Variants in ZFHX3 observed in about 807,000 individuals in gnomAD.
The protein encoded by ZFHX3 is zinc finger homeobox 3, also known as zinc finger homeobox protein 3.
A neutral mutation model predicts 279.1 loss-of-function variants in ZFHX3; 42 were observed. The observed-to-expected ratio is 0.15, with a 90% CI of 0.12 to 0.19. The LOEUF (loss-of-function observed/expected upper bound fraction) is 0.19. Among genes scored for constraint, ZFHX3 ranks in the 10% least tolerant of loss-of-function variants. The pLI is 1.00. For missense variants in ZFHX3, 4,981 were observed against 4,754.0 expected (o/e 1.05, Z -1.40); for synonymous variants, 2,293 against 1,957.8 (o/e 1.17, Z -4.52).
intron 4 of ZFHX3, among the ~76,000 whole-genome samples, chr16:73,265,033 T>TATATATATATATATATAA (rs766121124): frequency 6.7e-6 from 1 of 150,020 alleles, no homozygotes; most frequent in East Asian, 2.0e-4. Context: ...TATATATATA[T>TATATATATATATATATAA]AACACCTCAG....
intron 1 of ZFHX3, among the ~76,000 whole-genome samples, chr16:73,705,130 A>G (rs1451399878): frequency 6.6e-6 from 1 of 152,230 alleles, no homozygotes; most frequent in Non-Finnish European, 1.5e-5. Flanking sequence ...ATGTAGTAAA[A>G]TAATTACAAA....
intron 1 of ZFHX3, among the ~76,000 whole-genome samples, chr16:73,698,185 GA>G (rs954795367): frequency 4.0e-5 from 6 of 150,734 alleles, no homozygotes; most frequent in East Asian, 3.9e-4. Context: ...AACAATTTGA[GA>G]AAAAAAAATT....
chr16:73,423,511 T>C (rs535502432), intron 3 of ZFHX3, among the ~76,000 whole-genome samples: 1 of 152,314 alleles, frequency 6.6e-6, no homozygotes, highest in South Asian at 2.1e-4. Flanking sequence ...TCTGGTCATT[T>C]GTCCCAATGG....
chr16:73,095,582 C>T (rs1422816782), intron 7 of ZFHX3, among the ~76,000 whole-genome samples: 1 of 152,016 alleles, frequency 6.6e-6, no homozygotes, highest in African/African-American at 2.4e-5. Flanking sequence ...TTCATGGCTG[C>T]AGCTTTTGTG....
chr16:72,825,567 T>C (rs1043614556), intron 5 of ZFHX3, among the ~76,000 whole-genome samples: 3 of 152,130 alleles, frequency 2.0e-5, no homozygotes, highest in African/African-American at 7.2e-5. Context: ...TGATGGCAAA[T>C]TGGGATAAAC....
At chr16:73,197,688 C>T (rs771035761) in intron 5 of ZFHX3, among the ~76,000 whole-genome samples, 7 of 152,138 alleles carry the variant, frequency 4.6e-5, no homozygotes, top group Non-Finnish European at 1.0e-4. Flanking sequence ...TAGGCAGACA[C>T]AGCCTGAGGG....
intron 2 of ZFHX3, among the ~76,000 whole-genome samples, chr16:73,466,999 AT>A (rs1366029881): frequency 2.6e-5 from 4 of 152,166 alleles, no homozygotes; most frequent in Non-Finnish European, 5.9e-5. Context: ...CAGACCTGAC[AT>A]GTCTGGCCAG....
At chr16:72,880,275 T>C (rs571099083) in intron 4 of ZFHX3, among the ~76,000 whole-genome samples, 2 of 152,326 alleles carry the variant, frequency 1.3e-5, no homozygotes, top group Non-Finnish European at 1.5e-5. Flanking sequence ...GTCTGGGTAA[T>C]AGACTGAACT....
intron 1 of ZFHX3, among the ~76,000 whole-genome samples, chr16:73,017,315 T>G (rs2144640431): frequency 6.6e-6 from 1 of 152,154 alleles, no homozygotes; most frequent in East Asian, 1.9e-4. Context: ...GGGAATTTTC[T>G]ACGTTTGGAT....
In ZFHX3 at chr16:72,785,198, G is replaced by A. The variant is rs1352206714; in HGVS notation, c.*1966C>T. 2 of 152,654 alleles carry A rather than the reference G, an allele frequency of 1.3e-5. No homozygotes were observed. Among genetic ancestry groups the A allele is most frequent in the African/African-American group, 4.8e-5 (2 of 41,458 alleles). The allele number at this position is 152,654 out of a possible 1,614,324, so 9.5% of individuals were successfully genotyped here. ...TGTCTCCAAAATCTATGTTTTAGCA[G>A]CACAAAGTTTTCAAAGTTCAGACCA... is the stretch of plus-strand genomic sequence containing the variant. On this transcript the variant is annotated 3_prime_UTR_variant, in exon 10 of 10. Transcript: ENST00000268489.
At chr16:73,385,386 G>A (rs749878183) in intron 3 of ZFHX3, among the ~76,000 whole-genome samples, 1 of 152,164 alleles carries the variant, frequency 6.6e-6, no homozygotes, top group Non-Finnish European at 1.5e-5. Flanking sequence ...ATCTGCAGGA[G>A]GAGCATGAAT....
In ZFHX3 at chr16:72,786,164, C is replaced by T. The variant is rs1177274601; in HGVS notation, c.*1000G>A. The T allele has an allele frequency of 1.3e-5, 2 of 152,006 alleles. No homozygotes were observed. Among genetic ancestry groups the T allele is most frequent in the East Asian group, 1.9e-4 (1 of 5,202 alleles). 9.4% of individuals were successfully genotyped at this position (152,006 alleles called of 1,614,324 possible). Reference sequence around the variant, plus strand: ...GAATCAACGGATTGCAATCTATCATCTGCTAGGAATGAACAAGACAACATC... The same window carrying T: ...GAATCAACGGATTGCAATCTATCATTTGCTAGGAATGAACAAGACAACATC... On this transcript the variant is annotated 3_prime_UTR_variant, in exon 10 of 10. Transcript: ENST00000268489.
chr16:73,004,347 G>A (rs1454281139), intron 1 of ZFHX3, among the ~76,000 whole-genome samples: 3 of 18,710 alleles, frequency 1.6e-4, no homozygotes, highest in African/African-American at 6.2e-4. Context: ...TTTTTTTTTT[G>A]AGATGGAGTT....
chr16:73,775,961 A>G (rs1007118933), intron 1 of ZFHX3, among the ~76,000 whole-genome samples: 2 of 152,176 alleles, frequency 1.3e-5, no homozygotes, highest in Admixed American at 6.5e-5. Flanking sequence ...ATACTAGGCT[A>G]TATTTCAAAT....
chr16:73,364,250 T>C (rs1288166363), intron 3 of ZFHX3, among the ~76,000 whole-genome samples: 1 of 151,870 alleles, frequency 6.6e-6, no homozygotes, highest in Non-Finnish European at 1.5e-5. Context: ...TGCCGTCTCA[T>C]CCTGGTACAG....
chr16:73,554,427 C>T (rs948459729), intron 2 of ZFHX3: 8 of 152,162 alleles, frequency 5.3e-5, no homozygotes, highest in African/African-American at 1.7e-4. Context: ...TCATAATAAA[C>T]CAGACGTATA....
At chr16:73,600,575 G>A (rs1054719330) in intron 2 of ZFHX3, among the ~76,000 whole-genome samples, 14 of 151,786 alleles carry the variant, frequency 9.2e-5, no homozygotes, top group African/African-American at 2.7e-4. Context: ...CCGCCACCAC[G>A]CCCGGCCAAT....
chr16:72,922,928 T>G (rs895673078), intron 3 of ZFHX3, among the ~76,000 whole-genome samples: 1 of 152,068 alleles, frequency 6.6e-6, no homozygotes, highest in African/African-American at 2.4e-5. Flanking sequence ...CTCCTCAGAT[T>G]AGAGCACTAA....
chr16:73,155,466 ATGG>A (rs1252989797), intron 5 of ZFHX3, among the ~76,000 whole-genome samples: 2 of 152,184 alleles, frequency 1.3e-5, no homozygotes, highest in Non-Finnish European at 2.9e-5. Context: ...GGAACAGCCA[ATGG>A]TGACAAAATA....
Sources: allele counts gnomAD v4.1 joint callset (sites outside exome capture counted in the v4.1 genomes callset), GRCh38; gene constraint gnomAD v4.1.1; transcripts MANE v1.5; gene names NCBI Gene and HGNC (gene_info 2026-07-23, HGNC 2026-07-21).